The following THADA variants were observed in gnomAD, a reference collection of about 807,000 sequenced individuals.
The protein encoded by THADA is THADA armadillo repeat containing.
Under a neutral mutation model 219.8 loss-of-function variants are expected in THADA, and 213 were observed. The ratio of observed to expected loss-of-function variants is 0.97; its 90% CI spans 0.87 to 1.09. THADA has a LOEUF of 1.09. Among genes scored for constraint, THADA ranks in the 50% least tolerant of loss-of-function variants. The pLI is 0.00. For synonymous variants in THADA, 1,018 were observed against 828.9 expected, an observed-to-expected ratio of 1.23 and a Z score of -3.92; for missense variants, 2,956 against 2,311.3, an observed-to-expected ratio of 1.28 and a Z score of -5.72.
chr2:43,411,233 G>A (rs1676264906), intron 28 of THADA, among the ~76,000 whole-genome samples: 1 of 152,214 alleles, frequency 6.6e-6, no homozygotes, highest in African/African-American at 2.4e-5. Flanking sequence ...AGGATTCAAA[G>A]TCAAGTCTGT....
At chr2:43,533,770 T>C (rs909963614) in intron 21 of THADA, among the ~76,000 whole-genome samples, 1 of 152,018 alleles carries the variant, frequency 6.6e-6, no homozygotes, top group Non-Finnish European at 1.5e-5. Context: ...GGGAGAGCAT[T>C]AGGACAAATA....
chr2:43,265,702 C>T (rs765687987), intron 36 of THADA, among the ~76,000 whole-genome samples: 1 of 152,216 alleles, frequency 6.6e-6, no homozygotes, highest in Non-Finnish European at 1.5e-5. Flanking sequence ...CACGCCCAGG[C>T]TGTAACTCAA....
chr2:43,429,099 G>A (rs958589462), intron 27 of THADA, among the ~76,000 whole-genome samples: 3 of 133,196 alleles, frequency 2.3e-5, no homozygotes, highest in Non-Finnish European at 5.2e-5. Context: ...GCTTCAGAAT[G>A]TGTGTGTGTT....
At position 43,297,432 on chromosome 2, in the gene THADA, C is replaced by T. The variant is rs1422398945; in HGVS notation, c.4439-4219G>A. Among the ~76,000 whole-genome samples, 11 of 99,952 alleles carry T rather than the reference C, an allele frequency of 1.1e-4. 1 individual carries two copies. In the East Asian group the frequency reaches 2.1e-3, roughly 19 times the overall value. 65.6% of individuals were successfully genotyped at this position (99,952 alleles called of 152,430 possible). A position where few individuals can be genotyped will look rare whatever the true frequency, so the allele number is the denominator to read the frequency against. On this transcript the variant is annotated intron_variant, in intron 31 of 37. Coordinates refer to ENST00000405975, the MANE Select transcript of THADA (RefSeq NM_022065.5). ...GAGCGTCTCCGCCCGGCAGCCACCCCGTCCGGGAGGGAGGTGGGGGGGGGT... is the reference window on the plus strand; with the variant it reads ...GAGCGTCTCCGCCCGGCAGCCACCCTGTCCGGGAGGGAGGTGGGGGGGGGT...
At chr2:43,573,052 C>G in intron 11 of THADA, 60 bp from the exon 12 acceptor site, 8 of 1,304,208 alleles carry the variant, frequency 6.1e-6, no homozygotes, top group Non-Finnish European at 8.2e-6. Context: ...TAATTATCAG[C>G]TGCTAATTTT....
chr2:43,531,575 A>T (rs1425259124), intron 21 of THADA, among the ~76,000 whole-genome samples: 2 of 152,232 alleles, frequency 1.3e-5, no homozygotes, highest in Admixed American at 1.3e-4. Flanking sequence ...ACAGCCTCCC[A>T]GTGGATAATC....
chr2:43,476,754 A>G (rs1442117352), intron 26 of THADA, among the ~76,000 whole-genome samples: 1 of 152,216 alleles, frequency 6.6e-6, no homozygotes, highest in Non-Finnish European at 1.5e-5. Flanking sequence ...TATCACAGTC[A>G]TGCAAGTTAG....
At chr2:43,515,200 A>C (rs868734698) in intron 22 of THADA, among the ~76,000 whole-genome samples, 1 of 4,824 alleles carries the variant, frequency 2.1e-4, no homozygotes, top group Non-Finnish European at 3.1e-4. Context: ...TATTATATAT[A>C]ATATATAATA....
At chr2:43,304,583 T>C (rs1171130584) in intron 31 of THADA, among the ~76,000 whole-genome samples, 1 of 152,192 alleles carries the variant, frequency 6.6e-6, no homozygotes, top group Non-Finnish European at 1.5e-5. Context: ...GACATAACTG[T>C]TCTAAAGTTT....
chr2:43,286,095 G>C (rs1225242557), intron 35 of THADA, among the ~76,000 whole-genome samples: 1 of 152,082 alleles, frequency 6.6e-6, no homozygotes, highest in Non-Finnish European at 1.5e-5. Context: ...TTCTCACCTA[G>C]ATTATTGCAA....
chr2:43,484,964 A>G (rs369298730), intron 26 of THADA, among the ~76,000 whole-genome samples: 1 of 151,352 alleles, frequency 6.6e-6, no homozygotes, highest in East Asian at 1.9e-4. Flanking sequence ...CAAAAAAAAC[A>G]CTAGCTTTTG....
At chr2:43,282,572 T>C (rs1450766893) in intron 35 of THADA, among the ~76,000 whole-genome samples, 1 of 152,170 alleles carries the variant, frequency 6.6e-6, no homozygotes, top group Non-Finnish European at 1.5e-5. Flanking sequence ...TACACAAAAA[T>C]ATAATTCTAC....
At chr2:43,449,553 G>A (rs750016408) in intron 26 of THADA, among the ~76,000 whole-genome samples, 3 of 152,110 alleles carry the variant, frequency 2.0e-5, no homozygotes, top group Non-Finnish European at 2.9e-5. Flanking sequence ...AAAGAGATAA[G>A]CTTGAAAGCA....
intron 36 of THADA, among the ~76,000 whole-genome samples, chr2:43,266,817 G>A (rs1671578164): frequency 6.6e-6 from 1 of 152,128 alleles, no homozygotes. Context: ...CACTTAACCA[G>A]GTTGACTGGC....
chr2:43,508,329 T>G (rs1228293757), intron 23 of THADA, among the ~76,000 whole-genome samples: 3 of 151,874 alleles, frequency 2.0e-5, no homozygotes, highest in Non-Finnish European at 4.4e-5. Context: ...AGTGGGGTGG[T>G]GGGGTAACAT....
chr2:43,442,822 A>T (rs192414274), intron 26 of THADA, among the ~76,000 whole-genome samples: 1 of 152,300 alleles, frequency 6.6e-6, no homozygotes, highest in African/African-American at 2.4e-5. Context: ...TAGTTCCATC[A>T]ACATTCTATG....
At position 43,551,815 on chromosome 2, in the gene THADA, C is replaced by T. The variant is rs1328728107; in HGVS notation, c.2921G>A (p.Gly974Asp). ...TGAATCAGTGTCCATTGGGATGAGG[C>T]CTTCAGGGGATGAGCTCTGAATGAC... ...SPVIQSSSPE[G>D]LIPMDTDSES... The change falls in exon 19 of 38, where the codon GGC (glycine) becomes GAC (aspartate). Residue 974 changes from glycine (G) to aspartate (D), a missense_variant. By Grantham distance (94) the Gly-to-Asp change is moderately conservative. Coordinates refer to ENST00000405975, the MANE Select transcript of THADA (RefSeq NM_022065.5). The T allele has an allele frequency of 1.1e-5, 18 of 1,613,554 alleles. No individual in the cohort carries two copies. The East Asian group carries it at 2.7e-4, about 24-fold the overall frequency.
At chr2:43,287,910 A>G (rs762689936) in intron 34 of THADA, among the ~76,000 whole-genome samples, 26 of 152,172 alleles carry the variant, frequency 1.7e-4, no homozygotes, top group South Asian at 4.1e-4. Context: ...CATGATCTTT[A>G]TTTCTTGGGT....
intron 28 of THADA, among the ~76,000 whole-genome samples, chr2:43,400,478 A>ACATATATATATATATATATATATATATAT (rs10687373): frequency 8.5e-6 from 1 of 116,998 alleles, no homozygotes; most frequent in African/African-American, 3.5e-5. Context: ...TATATATATA[A>ACATATATATATATATATATATATATATAT]ATATATACAC....
Sources: gnomAD v4.1 joint callset for allele counts (sites outside exome capture counted in the v4.1 genomes callset) on GRCh38, gnomAD v4.1.1 for gene constraint, MANE v1.5 for transcripts, NCBI Gene and HGNC (gene_info 2026-07-23, HGNC 2026-07-21) for gene names.